Variants in CERS3 observed in about 807,000 individuals in gnomAD.
CERS3 encodes the protein ceramide synthase 3, also known as LAG1 homolog, ceramide synthase 3.
In CERS3, 33 loss-of-function variants were observed where a neutral mutation model predicts 50.3. The ratio of observed to expected loss-of-function variants is 0.66; its 90% CI spans 0.50 to 0.88. CERS3 has a LOEUF of 0.88. Among genes scored for constraint, CERS3 ranks in the 40% least tolerant of loss-of-function variants. The pLI is 0.00. For synonymous variants in CERS3, 176 were observed against 155.2 expected (o/e 1.13, Z -0.99); for missense variants, 470 against 460.3 (o/e 1.02, Z -0.19).
chr15:100,538,699 G>C (rs1420905595), intron 1 of CERS3, among the ~76,000 whole-genome samples: 1 of 152,248 alleles, frequency 6.6e-6, no homozygotes, highest in Non-Finnish European at 1.5e-5. Flanking sequence ...TATAATTGGA[G>C]GAGCTGCTGT....
chr15:100,526,099 T>C (rs892408903), intron 1 of CERS3, among the ~76,000 whole-genome samples: 1 of 152,348 alleles, frequency 6.6e-6, no homozygotes, highest in Admixed American at 6.5e-5. Context: ...TTTCTCTGGA[T>C]TCAAACATAG....
intron 11 of CERS3, among the ~76,000 whole-genome samples, chr15:100,430,440 A>G (rs535135648): frequency 7.2e-5 from 11 of 152,350 alleles, no homozygotes. Context: ...CTTTGCCCAC[A>G]GCATTTCCTT....
intron 11 of CERS3, among the ~76,000 whole-genome samples, chr15:100,452,510 C>T (rs1411414494): frequency 2.0e-5 from 3 of 151,786 alleles, no homozygotes; most frequent in Non-Finnish European, 2.9e-5. Context: ...AAAAGCAGTG[C>T]TAAGAGGGAA....
intron 10 of CERS3, among the ~76,000 whole-genome samples, chr15:100,469,145 T>C (rs529137304): frequency 6.6e-6 from 1 of 152,360 alleles, no homozygotes; most frequent in Non-Finnish European, 1.5e-5. Flanking sequence ...AGCTGCTGCT[T>C]GCCCGTCAGG....
At chr15:100,418,276 T>A (rs1028222940) in intron 11 of CERS3, among the ~76,000 whole-genome samples, 2 of 151,106 alleles carry the variant, frequency 1.3e-5, no homozygotes, top group African/African-American at 4.9e-5. Context: ...GAGAACTACG[T>A]GAAGAATGCA....
At chr15:100,530,984 T>C (rs1176722480), upstream of CERS3, among the ~76,000 whole-genome samples, 3 of 152,022 alleles carry the variant, frequency 2.0e-5, no homozygotes, top group African/African-American at 7.2e-5. Context: ...CTCGGGAGGC[T>C]GCGGCAGGAG....
chr15:100,418,768 G>T (rs1265237707), intron 11 of CERS3, among the ~76,000 whole-genome samples: 2 of 138,984 alleles, frequency 1.4e-5, no homozygotes, highest in Non-Finnish European at 3.1e-5. Flanking sequence ...GAGAGTGGGG[G>T]CCAATATTCA....
In CERS3 at chr15:100,509,056, A is replaced by T. The variant is rs541712956; in HGVS notation, c.-1-7206T>A. Among the ~76,000 whole-genome samples, 40 of 152,314 alleles carry T rather than the reference A, an allele frequency of 2.6e-4. 1 individual carries two copies. The highest frequency in any genetic ancestry group is 6.8e-3 in the Middle Eastern group (2 of 294). Reference sequence around the variant, plus strand: ...AGCCCCAGCTGTGTTTTTTGCTAATACTATGGAATTCTTAAGCCCTATTTT... The same window carrying T: ...AGCCCCAGCTGTGTTTTTTGCTAATTCTATGGAATTCTTAAGCCCTATTTT... On this transcript the variant is annotated intron_variant, in intron 2 of 11. Coordinates refer to ENST00000679737, the MANE Select transcript of CERS3 (RefSeq NM_001378789.1).
chr15:100,536,467 T>C (rs1298341599), intron 1 of CERS3, among the ~76,000 whole-genome samples: 1 of 152,108 alleles, frequency 6.6e-6, no homozygotes, highest in Non-Finnish European at 1.5e-5. Context: ...GCATTTTTTG[T>C]AGAGACAAGG....
intron 11 of CERS3, among the ~76,000 whole-genome samples, chr15:100,421,390 C>T (rs1034796261): frequency 2.6e-5 from 4 of 151,876 alleles, no homozygotes; most frequent in African/African-American, 9.7e-5. Flanking sequence ...TGTGAAGGAC[C>T]TCTTCAAGGA....
intron 3 of CERS3, among the ~76,000 whole-genome samples, chr15:100,497,272 G>C (rs1044185384): frequency 1.3e-5 from 2 of 151,890 alleles, no homozygotes; most frequent in African/African-American, 4.8e-5. Context: ...GAGAGAGACA[G>C]AGAGACACAC....
chr15:100,425,153 C>T (rs1327875487), intron 11 of CERS3, among the ~76,000 whole-genome samples: 1 of 152,224 alleles, frequency 6.6e-6, no homozygotes, highest in Non-Finnish European at 1.5e-5. Context: ...CATGAAGAAC[C>T]TCCACTAAGG....
chr15:100,444,512 C>T (rs888721749), intron 11 of CERS3, among the ~76,000 whole-genome samples: 1 of 152,222 alleles, frequency 6.6e-6, no homozygotes, highest in Non-Finnish European at 1.5e-5. Flanking sequence ...GGCGTAATCG[C>T]CACACACCAG....
intron 2 of CERS3, among the ~76,000 whole-genome samples, 198 bp downstream of exon 2, chr15:100,521,469 G>A (rs931260918): frequency 5.9e-5 from 9 of 152,098 alleles, no homozygotes; most frequent in African/African-American, 9.7e-5. Context: ...CTGCATCTCC[G>A]CTTTCAAAAG....
chr15:100,524,538 C>T (rs1054463538), intron 1 of CERS3, among the ~76,000 whole-genome samples: 4 of 152,152 alleles, frequency 2.6e-5, no homozygotes, highest in African/African-American at 7.2e-5. Context: ...CATTATGAAA[C>T]CCTGTAACTT....
chr15:100,451,452 C>T (rs1335616581), intron 11 of CERS3, among the ~76,000 whole-genome samples: 1 of 152,108 alleles, frequency 6.6e-6, no homozygotes, highest in Non-Finnish European at 1.5e-5. Flanking sequence ...GCCTGTAATC[C>T]CAGCACTTTG....
At chr15:100,460,566 C>T (rs1362205732) in intron 10 of CERS3, among the ~76,000 whole-genome samples, 2 of 152,190 alleles carry the variant, frequency 1.3e-5, no homozygotes. Context: ...CCTTTCCATC[C>T]ATTAAAGCAT....
chr15:100,519,817 C>G (rs1484295929), intron 2 of CERS3, among the ~76,000 whole-genome samples: 2 of 152,230 alleles, frequency 1.3e-5, no homozygotes, highest in African/African-American at 4.8e-5. Context: ...AATTGCTCAG[C>G]CTTTGTCCCT....
rs147985716 is a variant in CERS3, at chr15:100,503,470, G to A, written c.-1-1620C>T. On this transcript the variant is annotated intron_variant, in intron 2 of 11. Transcript: ENST00000679737. ...GTTTGCTTGCATTCCATGCTAAGGA[G>A]TTTGGCATTTAGCTGATAGGACCCA... 5.6e-4 allele frequency among the ~76,000 whole-genome samples: 86 copies of A among 152,362 alleles called. 1 individual carries two copies. Among genetic ancestry groups the A allele is most frequent in the African/African-American group, 2.0e-3 (83 of 41,582 alleles).
Sources: gnomAD v4.1 joint callset for allele counts (sites outside exome capture counted in the v4.1 genomes callset) on GRCh38, gnomAD v4.1.1 for gene constraint, MANE v1.5 for transcripts, NCBI Gene and HGNC (gene_info 2026-07-23, HGNC 2026-07-21) for gene names.